MEGF11: variants seen among roughly 807,000 people sequenced by gnomAD.
MEGF11 encodes the protein multiple epidermal growth factor-like domains protein 11.
A neutral mutation model predicts 146.6 loss-of-function variants in MEGF11; 126 were observed. That is an observed-to-expected ratio of 0.86 (90% CI 0.74 to 1.00). The LOEUF (loss-of-function observed/expected upper bound fraction) is 1.00. Among genes scored for constraint, MEGF11 ranks in the 50% least tolerant of loss-of-function variants. MEGF11 has a pLI of 0.00. For missense variants in MEGF11, 1,509 were observed against 1,521.2 expected (o/e 0.99, Z 0.13); for synonymous variants, 532 against 583.4 (o/e 0.91, Z 1.27).
At chr15:66,045,322 G>A (rs888330912) in intron 5 of MEGF11, among the ~76,000 whole-genome samples, 2 of 152,162 alleles carry the variant, frequency 1.3e-5, no homozygotes, top group African/African-American at 4.8e-5. Flanking sequence ...AACCCAGGAG[G>A]GCTTTTGTCC....
intron 5 of MEGF11, among the ~76,000 whole-genome samples, chr15:65,996,567 C>T (rs984059234): frequency 6.6e-6 from 1 of 151,996 alleles, no homozygotes; most frequent in Non-Finnish European, 1.5e-5. Context: ...CTCATTGCAA[C>T]CTCTGCCTCC....
intron 10 of MEGF11, among the ~76,000 whole-genome samples, chr15:65,948,044 A>G (rs946160664): frequency 7.9e-5 from 12 of 152,050 alleles, no homozygotes; most frequent in South Asian, 2.1e-4. Context: ...CATAAAACCA[A>G]TTTTCCCTAC....
intron 4 of MEGF11, among the ~76,000 whole-genome samples, chr15:66,105,198 A>G (rs1189539730): frequency 1.3e-5 from 2 of 152,170 alleles, no homozygotes; most frequent in Non-Finnish European, 2.9e-5. Context: ...CTACAAAGCC[A>G]CAGGGCTCGT....
At chr15:66,234,259 C>A (rs1201328785) in intron 1 of MEGF11, among the ~76,000 whole-genome samples, 1 of 152,180 alleles carries the variant, frequency 6.6e-6, no homozygotes, top group African/African-American at 2.4e-5. Flanking sequence ...CACCATGAGG[C>A]GCTATTGCGA....
intron 5 of MEGF11, among the ~76,000 whole-genome samples, chr15:66,043,375 G>A (rs751859201): frequency 5.9e-5 from 9 of 152,206 alleles, no homozygotes; most frequent in Non-Finnish European, 1.0e-4. Flanking sequence ...TGCTGGGGGC[G>A]TCCTGGGGGA....
Position 65,919,781 on chromosome 15 carries a change from G to A in MEGF11, c.1958-1687C>T, listed in dbSNP as rs191759532. 2.6e-5 allele frequency among the ~76,000 whole-genome samples: 4 copies of A among 152,196 alleles called. No individual in the cohort carries two copies. In the East Asian group the frequency reaches 5.8e-4, roughly 22 times the overall value. On this transcript the variant is annotated intron_variant, in intron 15 of 25. Transcript: ENST00000395614. ...CAGATAGGCACGCGCCACCATGTCC[G>A]GCTAATTTTTGTATTTTTAGTAGAA... is the stretch of plus-strand genomic sequence containing the variant.
At position 65,929,803 on chromosome 15, in the gene MEGF11, T is replaced by G. The variant is rs1216817314; in HGVS notation, c.1489A>C (p.Asn497His). The change falls in exon 12 of 26, where the codon AAT becomes CAT. Residue 497 changes from asparagine (N) to histidine (H), a missense_variant. Coordinates refer to ENST00000395614, the MANE Select transcript of MEGF11 (RefSeq NM_001385028.1). ...LNCNESCTCANGAACSPIDGS... is the reference protein window; with the variant it reads ...LNCNESCTCAHGAACSPIDGS... ...TCTATGGGGCTGCAGGCTGCCCCATTGGCACAGGTGCAGCTCTCGTTGCAG... is the reference window on the plus strand; with the variant it reads ...TCTATGGGGCTGCAGGCTGCCCCATGGGCACAGGTGCAGCTCTCGTTGCAG... 7.0e-6 allele frequency: 11 copies of G among 1,573,862 alleles called. No homozygotes were observed. Among genetic ancestry groups the G allele is most frequent in the Non-Finnish European group, 9.5e-6 (11 of 1,159,868 alleles).
intron 5 of MEGF11, among the ~76,000 whole-genome samples, chr15:66,057,819 A>C (rs1340758181): frequency 6.6e-6 from 1 of 152,232 alleles, no homozygotes; most frequent in African/African-American, 2.4e-5. Flanking sequence ...TTCAGGGCCC[A>C]GCTCTTAAGT....
intron 1 of MEGF11, among the ~76,000 whole-genome samples, chr15:66,189,718 C>A (rs989792704): frequency 2.6e-5 from 4 of 152,306 alleles, no homozygotes; most frequent in Middle Eastern, 3.4e-3. Context: ...GGAGATGCTA[C>A]TTCCCACAGG....
chr15:65,996,994 C>T (rs1387338261), intron 5 of MEGF11, among the ~76,000 whole-genome samples: 5 of 152,324 alleles, frequency 3.3e-5, no homozygotes, highest in South Asian at 2.1e-4. Context: ...CCCCACCTAT[C>T]GGTGGGAAGC....
chr15:66,102,950 T>G (rs926235555), intron 4 of MEGF11, among the ~76,000 whole-genome samples: 4 of 152,218 alleles, frequency 2.6e-5, no homozygotes, highest in Non-Finnish European at 5.9e-5. Flanking sequence ...TCCAAGCACC[T>G]TACATGAATT....
intron 5 of MEGF11, among the ~76,000 whole-genome samples, chr15:66,078,235 G>A (rs1362842338): frequency 2.0e-5 from 3 of 152,228 alleles, no homozygotes; most frequent in Non-Finnish European, 4.4e-5. Context: ...ACGGTGTGTA[G>A]AGGAAGTACT....
intron 5 of MEGF11, among the ~76,000 whole-genome samples, chr15:66,014,666 C>T (rs1400532375): frequency 6.6e-6 from 1 of 152,208 alleles, no homozygotes; most frequent in African/African-American, 2.4e-5. Context: ...GAGCACCCTA[C>T]TCCCACCCCA....
intron 5 of MEGF11, among the ~76,000 whole-genome samples, chr15:66,092,807 A>C (rs2086374418): frequency 6.6e-6 from 1 of 152,196 alleles, no homozygotes; most frequent in African/African-American, 2.4e-5. Context: ...TTCAACCTCC[A>C]ATAGGCTGCC....
chr15:66,071,446 A>G (rs982573685), intron 5 of MEGF11, among the ~76,000 whole-genome samples: 1 of 152,258 alleles, frequency 6.6e-6, no homozygotes, highest in African/African-American at 2.4e-5. Context: ...AGAGAAGTTT[A>G]GAGCTGAGAG....
chr15:65,958,668 T>C (rs2080747683), intron 9 of MEGF11, among the ~76,000 whole-genome samples: 1 of 152,234 alleles, frequency 6.6e-6, no homozygotes, highest in Non-Finnish European at 1.5e-5. Flanking sequence ...GCAAACTTTC[T>C]TAGAACCGTG....
chr15:66,058,498 GAC>G (rs2140394347), intron 5 of MEGF11, among the ~76,000 whole-genome samples: 1 of 152,348 alleles, frequency 6.6e-6, no homozygotes, highest in African/African-American at 2.4e-5. Flanking sequence ...GGGGTTGAGA[GAC>G]AGCTTTGGGC....
chr15:66,220,036 C>T (rs1456823574), intron 1 of MEGF11, among the ~76,000 whole-genome samples: 2 of 152,064 alleles, frequency 1.3e-5, no homozygotes, highest in Admixed American at 6.6e-5. Context: ...AGGGTGGGCC[C>T]TAAATCCAAT....
chr15:65,986,015 G>A (rs903990614), intron 5 of MEGF11, among the ~76,000 whole-genome samples: 2 of 150,546 alleles, frequency 1.3e-5, no homozygotes, highest in East Asian at 1.9e-4. Context: ...GCAGTGGCAC[G>A]ATCTCAGCTC....
Sources: gnomAD v4.1 joint callset for allele counts (sites outside exome capture counted in the v4.1 genomes callset) on GRCh38, gnomAD v4.1.1 for gene constraint, MANE v1.5 for transcripts, NCBI Gene and HGNC (gene_info 2026-07-23, HGNC 2026-07-21) for gene names.